The following FGF14 variants were observed in gnomAD, a reference collection of about 807,000 sequenced individuals.
FGF14 encodes fibroblast growth factor homologous factor 4.
A neutral mutation model predicts 25.5 loss-of-function variants in FGF14; 5 were observed. That is an observed-to-expected ratio of 0.20 (90% CI 0.10 to 0.41). The LOEUF (loss-of-function observed/expected upper bound fraction) is 0.41. Ranked by LOEUF, FGF14 falls within the 10% of genes least tolerant of loss-of-function variation. The pLI is 1.00. For missense variants in FGF14, 222 were observed against 320.1 expected (o/e 0.69, Z 2.34); for synonymous variants, 138 against 118.3 (o/e 1.17, Z -1.08).
At chr13:101,992,921 CT>C (rs1322395860) in intron 1 of FGF14, among the ~76,000 whole-genome samples, 1 of 151,998 alleles carries the variant, frequency 6.6e-6, no homozygotes, top group Non-Finnish European at 1.5e-5. Context: ...TGAAGTAACA[CT>C]GGCTAAGAAT....
At chr13:102,258,484 T>G (rs2052557763) in intron 1 of FGF14, among the ~76,000 whole-genome samples, 1 of 152,130 alleles carries the variant, frequency 6.6e-6, no homozygotes, top group South Asian at 2.1e-4. Context: ...TGCCTCACCC[T>G]AGACACTGGC....
intron 1 of FGF14, among the ~76,000 whole-genome samples, chr13:101,999,839 G>A (rs2039384841): frequency 6.6e-6 from 1 of 152,098 alleles, no homozygotes; most frequent in Non-Finnish European, 1.5e-5. Flanking sequence ...GTTTCTGTTA[G>A]TGGTTCACAC....
intron 2 of FGF14, among the ~76,000 whole-genome samples, chr13:101,873,794 A>G (rs1428701411): frequency 7.9e-5 from 12 of 152,150 alleles, no homozygotes; most frequent in Non-Finnish European, 1.6e-4. Flanking sequence ...CATGTTTGGC[A>G]TAAAACGCCT....
At chr13:101,831,966 C>T (rs1280283114) in intron 3 of FGF14, among the ~76,000 whole-genome samples, 3 of 152,016 alleles carry the variant, frequency 2.0e-5, no homozygotes, top group Non-Finnish European at 2.9e-5. Flanking sequence ...CCAAATATAT[C>T]AGGTCTTAAT....
chr13:102,029,817 T>C (rs556107434), intron 1 of FGF14, among the ~76,000 whole-genome samples: 1 of 152,244 alleles, frequency 6.6e-6, no homozygotes, highest in South Asian at 2.1e-4. Context: ...TTAGTAAGAA[T>C]GGTGGGAAAA....
rs188973718 is a variant in FGF14, at chr13:102,334,950, G to C, written c.208+66521C>G. Among the ~76,000 whole-genome samples, 102 of 152,200 alleles carry C rather than the reference G, an allele frequency of 6.7e-4. 1 individual carries two copies. The Middle Eastern group carries it at 0.01, about 15-fold the overall frequency. On this transcript the variant is annotated intron_variant, in intron 1 of 4. Transcript: ENST00000376131. ...TTTTCAATCCACAGTAAGACCCCAA[G>C]TGACCAAGCAGACCGTCACTGACTA...
intron 1 of FGF14, among the ~76,000 whole-genome samples, chr13:101,914,690 A>G (rs1369592975): frequency 6.6e-6 from 1 of 152,236 alleles, no homozygotes; most frequent in Non-Finnish European, 1.5e-5. Context: ...CAAAACATTT[A>G]TTGTTCATAT....
At chr13:102,310,694 T>A (rs1448731677) in intron 1 of FGF14, among the ~76,000 whole-genome samples, 3 of 1,732 alleles carry the variant, frequency 1.7e-3, no homozygotes, top group African/African-American at 4.6e-3. Context: ...TCTGTGTGTG[T>A]GTGGGGGGGG....
intron 1 of FGF14, among the ~76,000 whole-genome samples, chr13:102,350,364 AC>A (rs781042077): frequency 2.0e-5 from 3 of 146,626 alleles, no homozygotes; most frequent in Non-Finnish European, 3.0e-5. Context: ...ACAGAGTGAA[AC>A]CCTCTTTAAT....
chr13:102,161,640 G>GAAGAAGAAGAAGA (rs2047723354), intron 1 of FGF14, among the ~76,000 whole-genome samples: 1 of 10,228 alleles, frequency 9.8e-5, no homozygotes, highest in Non-Finnish European at 2.0e-4. Flanking sequence ...AGAAGAAGAA[G>GAAGAAGAAGAAGA]AAGAAGAAGA....
At chr13:101,822,357 C>T (rs1265589565) in intron 3 of FGF14, among the ~76,000 whole-genome samples, 1 of 152,036 alleles carries the variant, frequency 6.6e-6, no homozygotes, top group Non-Finnish European at 1.5e-5. Flanking sequence ...TATACTTGTA[C>T]CAAAAGCACA....
At chr13:102,131,543 T>C (rs1014504525) in intron 1 of FGF14, among the ~76,000 whole-genome samples, 3 of 152,182 alleles carry the variant, frequency 2.0e-5, no homozygotes, top group African/African-American at 7.2e-5. Context: ...GTGTCACTCA[T>C]GTTATCTGGC....
At chr13:101,766,107 T>G (rs1231479330) in intron 3 of FGF14, among the ~76,000 whole-genome samples, 1 of 152,226 alleles carries the variant, frequency 6.6e-6, no homozygotes, top group Non-Finnish European at 1.5e-5. Flanking sequence ...AAAACCGGGC[T>G]TAATAATCAT....
At chr13:101,951,872 C>A (rs189257068) in intron 1 of FGF14, among the ~76,000 whole-genome samples, 1 of 152,148 alleles carries the variant, frequency 6.6e-6, no homozygotes, top group Non-Finnish European at 1.5e-5. Context: ...TTTGTTAATA[C>A]TGGAAGGAGA....
At chr13:101,844,016 T>C (rs2043323452) in intron 3 of FGF14, among the ~76,000 whole-genome samples, 1 of 152,000 alleles carries the variant, frequency 6.6e-6, no homozygotes, top group Non-Finnish European at 1.5e-5. Context: ...GTGGACAAGA[T>C]AGAAAGTGAT....
chr13:101,890,779 C>T (rs1327251932), intron 1 of FGF14, among the ~76,000 whole-genome samples: 1 of 152,144 alleles, frequency 6.6e-6, no homozygotes, highest in African/African-American at 2.4e-5. Context: ...CTTCTGCCTG[C>T]CTTGCTCAGA....
intron 1 of FGF14, among the ~76,000 whole-genome samples, chr13:102,266,027 C>CT (rs929066578): frequency 1.3e-5 from 2 of 151,854 alleles, no homozygotes; most frequent in Admixed American, 6.6e-5. Context: ...CAAAAAAAGA[C>CT]TAAGAAGACT....
intron 1 of FGF14, among the ~76,000 whole-genome samples, chr13:102,111,182 A>G (rs192066674): frequency 6.6e-6 from 1 of 151,576 alleles, no homozygotes; most frequent in Non-Finnish European, 1.5e-5. Context: ...AGCCATCACC[A>G]CCTCTCATCT....
intron 1 of FGF14, among the ~76,000 whole-genome samples, chr13:101,935,467 G>A (rs1239627653): frequency 6.6e-6 from 1 of 152,202 alleles, no homozygotes; most frequent in Non-Finnish European, 1.5e-5. Flanking sequence ...AAACAGGTGG[G>A]GAGTGATTGG....
Sources: allele counts gnomAD v4.1 joint callset (sites outside exome capture counted in the v4.1 genomes callset), GRCh38; gene constraint gnomAD v4.1.1; transcripts MANE v1.5; gene names NCBI Gene and HGNC (gene_info 2026-07-23, HGNC 2026-07-21).